CCSER1: variants seen among roughly 807,000 people sequenced by gnomAD.
CCSER1 encodes the protein coiled-coil serine rich protein 1.
CCSER1 carries 41 observed loss-of-function variants against 82.0 expected under a neutral mutation model. The observed-to-expected ratio is 0.50, with a 90% CI of 0.39 to 0.65. CCSER1 has a LOEUF of 0.65. CCSER1 is among the 30% of genes least tolerant of loss of function. CCSER1 has a pLI of 0.00. For missense variants in CCSER1, 1,119 were observed against 1,064.2 expected (o/e 1.05, Z -0.72); for synonymous variants, 414 against 383.9 (o/e 1.08, Z -0.92).
intron 4 of CCSER1, among the ~76,000 whole-genome samples, chr4:90,437,806 A>G (rs994742987): frequency 3.3e-5 from 5 of 152,198 alleles, no homozygotes; most frequent in African/African-American, 1.2e-4. Context: ...ATTACTAGAA[A>G]TGAAATTATA....
At chr4:90,608,001 A>T (rs77456370) in intron 5 of CCSER1, among the ~76,000 whole-genome samples, 3 of 152,342 alleles carry the variant, frequency 2.0e-5, no homozygotes, top group Non-Finnish European at 4.4e-5. Context: ...AACTATATTT[A>T]GTAATGTTGA....
intron 10 of CCSER1, among the ~76,000 whole-genome samples, chr4:91,512,894 T>A (rs1759903327): frequency 6.6e-6 from 1 of 152,180 alleles, no homozygotes; most frequent in Non-Finnish European, 1.5e-5. Flanking sequence ...AGGTATAGAA[T>A]CATATCTTGA....
At chr4:90,685,258 C>T (rs1230977949) in intron 6 of CCSER1, among the ~76,000 whole-genome samples, 2 of 152,000 alleles carry the variant, frequency 1.3e-5, no homozygotes, top group East Asian at 3.9e-4. Context: ...AAGATGGCAG[C>T]AGTGTTTCCA....
intron 10 of CCSER1, among the ~76,000 whole-genome samples, chr4:91,121,797 G>C (rs1727114882): frequency 6.6e-6 from 1 of 151,310 alleles, no homozygotes; most frequent in African/African-American, 2.4e-5. Flanking sequence ...TATTTATTGA[G>C]AAACTTTTGG....
intron 10 of CCSER1, among the ~76,000 whole-genome samples, chr4:91,149,793 G>C (rs910769108): frequency 2.6e-5 from 4 of 152,096 alleles, no homozygotes; most frequent in East Asian, 1.9e-4. Context: ...GGTAGTAGAT[G>C]TGTGATATGA....
At chr4:90,564,855 C>T (rs982567005) in intron 5 of CCSER1, among the ~76,000 whole-genome samples, 1 of 152,014 alleles carries the variant, frequency 6.6e-6, no homozygotes, top group Non-Finnish European at 1.5e-5. Flanking sequence ...TGTTTTGGGG[C>T]TCCCTATTCT....
intron 1 of CCSER1, among the ~76,000 whole-genome samples, chr4:90,293,468 T>G (rs1731297750): frequency 6.6e-6 from 1 of 151,510 alleles, no homozygotes; most frequent in Admixed American, 6.6e-5. Flanking sequence ...TTTTAATAAT[T>G]AAATGCCCAA....
chr4:90,166,303 A>C (rs1336900859), intron 1 of CCSER1, among the ~76,000 whole-genome samples: 1 of 152,006 alleles, frequency 6.6e-6, no homozygotes, highest in Non-Finnish European at 1.5e-5. Context: ...TTTCCAACTT[A>C]GATATTTTCA....
chr4:90,189,896 G>C (rs1161566816), intron 1 of CCSER1, among the ~76,000 whole-genome samples: 1 of 151,992 alleles, frequency 6.6e-6, no homozygotes, highest in Non-Finnish European at 1.5e-5. Context: ...TTTACTAGGA[G>C]AAAGAAGTGT....
At chr4:90,406,629 T>G (rs1753775646) in intron 4 of CCSER1, among the ~76,000 whole-genome samples, 1 of 152,174 alleles carries the variant, frequency 6.6e-6, no homozygotes, top group Non-Finnish European at 1.5e-5. Context: ...TCAGTAAATT[T>G]AAGGAAATCG....
intron 5 of CCSER1, among the ~76,000 whole-genome samples, chr4:90,547,296 T>C (rs1776886371): frequency 1.3e-5 from 2 of 151,978 alleles, no homozygotes; most frequent in African/African-American, 4.8e-5. Flanking sequence ...TTTTTTAATC[T>C]TTATACTCTT....
chr4:90,493,804 C>A (rs189659905), intron 5 of CCSER1, among the ~76,000 whole-genome samples: 3 of 151,990 alleles, frequency 2.0e-5, no homozygotes, highest in Admixed American at 6.5e-5. Context: ...CCAGCTACTG[C>A]AAAAACATGC....
chr4:90,855,857 A>G (rs1004343657), intron 8 of CCSER1, among the ~76,000 whole-genome samples: 23 of 152,142 alleles, frequency 1.5e-4, no homozygotes, highest in Non-Finnish European at 1.3e-4. Flanking sequence ...CATTTTAAAT[A>G]TTTATCTACT....
intron 10 of CCSER1, among the ~76,000 whole-genome samples, chr4:91,105,372 T>C (rs1018593415): frequency 2.6e-5 from 4 of 150,944 alleles, no homozygotes; most frequent in Non-Finnish European, 5.9e-5. Context: ...CTTTGAAACT[T>C]GATCACATTC....
At chr4:91,495,552 A>G (rs2110078952) in intron 10 of CCSER1, among the ~76,000 whole-genome samples, 1 of 151,672 alleles carries the variant, frequency 6.6e-6, no homozygotes, top group East Asian at 1.9e-4. Flanking sequence ...TATCAGTAAA[A>G]TAGCTGAAAG....
At position 91,336,400 on chromosome 4, in the gene CCSER1, A is replaced by T. The variant is rs75841872; in HGVS notation, c.2217+250406A>T. Among the ~76,000 whole-genome samples, 328 of 152,240 alleles carry T rather than the reference A, an allele frequency of 2.2e-3. 7 individuals are homozygous for T. In the East Asian group the frequency reaches 0.058, roughly 27 times the overall value. ...TGGTCAATAAAGTCCCTTGTCTTTA[A>T]GACTTAATTATTAATTCACAAGAAG... On this transcript the variant is annotated intron_variant, in intron 10 of 10. Transcript: ENST00000509176.
intron 4 of CCSER1, among the ~76,000 whole-genome samples, chr4:90,464,131 A>G (rs1426025794): frequency 6.6e-6 from 1 of 152,158 alleles, no homozygotes. Flanking sequence ...GTGGTGTAAT[A>G]AAAGGTTACA....
intron 7 of CCSER1, among the ~76,000 whole-genome samples, chr4:90,795,479 C>G (rs937577268): frequency 6.6e-6 from 1 of 151,982 alleles, no homozygotes; most frequent in South Asian, 2.1e-4. Context: ...ATTCGGATGT[C>G]CTTTATTTCT....
rs1764891103 is a variant in CCSER1 at position 91,603,827 on chromosome 4, G to T, written c.*4770G>T. 1 of 151,986 alleles carries T rather than the reference G, an allele frequency of 6.6e-6. No individual in the cohort carries two copies. Among genetic ancestry groups the T allele is most frequent in the Non-Finnish European group, 1.5e-5 (1 of 67,986 alleles). 9.4% of individuals were successfully genotyped at this position (151,986 alleles called of 1,614,324 possible). ...TAGGGTGGGGCAGAATAAATTATTG[G>T]TGAGGATCTGCTTCCTGATTTGCAT... On this transcript the variant is annotated 3_prime_UTR_variant, in exon 11 of 11. Transcript: ENST00000509176.
Sources: gnomAD v4.1 joint callset for allele counts (sites outside exome capture counted in the v4.1 genomes callset) on GRCh38, gnomAD v4.1.1 for gene constraint, MANE v1.5 for transcripts, NCBI Gene and HGNC (gene_info 2026-07-23, HGNC 2026-07-21) for gene names.